Variants in ASIC2 observed in about 807,000 individuals in gnomAD.
ASIC2 encodes acid-sensing ion channel 2.
ASIC2 carries 25 observed loss-of-function variants against 57.3 expected under a neutral mutation model. That is an observed-to-expected ratio of 0.44 (90% CI 0.32 to 0.61). The LOEUF is 0.61. ASIC2 is among the 20% of genes least tolerant of loss of function. The pLI, the probability that ASIC2 is intolerant of heterozygous loss-of-function variation, is 0.06. For synonymous variants in ASIC2, 319 were observed against 307.5 expected, an observed-to-expected ratio of 1.04 and a Z score of -0.39; for missense variants, 641 against 738.1, an observed-to-expected ratio of 0.87 and a Z score of 1.52.
chr17:33,145,648 C>A (rs1904531116), intron 1 of ASIC2, among the ~76,000 whole-genome samples: 1 of 152,154 alleles, frequency 6.6e-6, no homozygotes, highest in African/African-American at 2.4e-5. Flanking sequence ...TTTATTTTAA[C>A]TTTTTTTGAA....
intron 1 of ASIC2, among the ~76,000 whole-genome samples, chr17:33,235,589 C>T: frequency 6.6e-6 from 1 of 152,196 alleles, no homozygotes; most frequent in East Asian, 1.9e-4. Flanking sequence ...CCTCAGGTAA[C>T]AGATACCAGC....
chr17:34,092,120 G>A lies in ASIC2; in HGVS notation c.555+63858C>T, dbSNP rs116340900. Among the ~76,000 whole-genome samples, 963 of 151,764 alleles carry A rather than the reference G, an allele frequency of 6.3e-3. 15 individuals carry two copies. The highest frequency in any genetic ancestry group is 0.022 in the African/African-American group (930 of 41,358). ...GGTGGTAGTGGATCCCGGACACCAGGTCTACACCAGTACACCCCCAAAATG... is the reference window on the plus strand; with the variant it reads ...GGTGGTAGTGGATCCCGGACACCAGATCTACACCAGTACACCCCCAAAATG... On this transcript the variant is annotated intron_variant, in intron 1 of 9. Coordinates refer to the ASIC2 transcript ENST00000359872.
intron 1 of ASIC2, among the ~76,000 whole-genome samples, chr17:33,474,272 C>T (rs769670424): frequency 1.5e-4 from 23 of 152,178 alleles, no homozygotes; most frequent in Admixed American, 2.0e-4. Context: ...GAGGCTGAGA[C>T]AGGAGAATCC....
chr17:34,009,738 G>A (rs1236170843), intron 1 of ASIC2, among the ~76,000 whole-genome samples: 1 of 152,214 alleles, frequency 6.6e-6, no homozygotes, highest in Non-Finnish European at 1.5e-5. Flanking sequence ...GCCTTGAGGA[G>A]TTTAGATCAG....
intron 1 of ASIC2, among the ~76,000 whole-genome samples, chr17:34,141,452 T>C (rs891889888): frequency 1.8e-4 from 28 of 152,354 alleles, no homozygotes; most frequent in Non-Finnish European, 2.6e-4. Context: ...GAGCCTACCA[T>C]GTGTTACCTC....
chr17:33,759,044 T>TG (rs1314923768), intron 1 of ASIC2, among the ~76,000 whole-genome samples: 1 of 151,908 alleles, frequency 6.6e-6, no homozygotes, highest in Non-Finnish European at 1.5e-5. Flanking sequence ...TAGATCCTAG[T>TG]GAGGGCTTAA....
At chr17:33,944,009 G>A (rs575301876) in intron 1 of ASIC2, among the ~76,000 whole-genome samples, 32 of 152,022 alleles carry the variant, frequency 2.1e-4, no homozygotes, top group Admixed American at 1.4e-3. Context: ...GGATGAAGGC[G>A]GATCCTAGAT....
chr17:33,853,980 AG>A (rs1913845400), intron 1 of ASIC2, among the ~76,000 whole-genome samples: 1 of 152,202 alleles, frequency 6.6e-6, no homozygotes, highest in African/African-American at 2.4e-5. Context: ...TCTCTAAAAA[AG>A]TTGATACATT....
rs114310098 is a variant in ASIC2 at position 33,407,252 on chromosome 17, A to G, written c.556-295185T>C. ...GAAAAGGACAATGTCTCAGTGCCCA[A>G]GGTCCCTCAATAATAACTGGCTGAT... On this transcript the variant is annotated intron_variant, in intron 1 of 9. Coordinates refer to the ASIC2 transcript ENST00000359872. Among the ~76,000 whole-genome samples the G allele has an allele frequency of 7.5e-3, 1,145 of 152,342 alleles. 10 individuals carry two copies. Among genetic ancestry groups the G allele is most frequent in the African/African-American group, 0.027 (1,103 of 41,572 alleles).
intron 1 of ASIC2, among the ~76,000 whole-genome samples, chr17:33,803,399 C>T (rs1287172493): frequency 6.6e-6 from 1 of 151,988 alleles, no homozygotes; most frequent in Non-Finnish European, 1.5e-5. Context: ...ATGTGGATTT[C>T]CACATCCCAG....
intron 1 of ASIC2, among the ~76,000 whole-genome samples, chr17:33,610,615 A>G (rs911767468): frequency 1.3e-5 from 2 of 152,100 alleles, no homozygotes; most frequent in African/African-American, 4.8e-5. Flanking sequence ...TGTCATCCCA[A>G]CACTTTGGGA....
intron 1 of ASIC2, among the ~76,000 whole-genome samples, chr17:33,947,917 T>G (rs1904435351): frequency 6.6e-6 from 1 of 152,242 alleles, no homozygotes; most frequent in Non-Finnish European, 1.5e-5. Flanking sequence ...TAATATTTAC[T>G]GGATATTCTA....
intron 1 of ASIC2, among the ~76,000 whole-genome samples, chr17:33,290,133 C>G (rs1905360602): frequency 6.6e-6 from 1 of 152,168 alleles, no homozygotes; most frequent in Non-Finnish European, 1.5e-5. Flanking sequence ...ACTAAATATA[C>G]AAGCTTAAAG....
At chr17:33,050,736 A>T (rs2091971751) in intron 3 of ASIC2, among the ~76,000 whole-genome samples, 1 of 152,040 alleles carries the variant, frequency 6.6e-6, no homozygotes, top group Non-Finnish European at 1.5e-5. Context: ...ACCTTCATTC[A>T]AGCCTGGCTA....
chr17:33,080,452 G>GC (rs1378624101), intron 3 of ASIC2, among the ~76,000 whole-genome samples: 1 of 152,048 alleles, frequency 6.6e-6, no homozygotes, highest in Admixed American at 6.5e-5. Context: ...AGTACTGCAG[G>GC]CCCCCCTTAT....
chr17:33,112,991 A>G (rs2141988415), intron 1 of ASIC2, among the ~76,000 whole-genome samples: 1 of 152,296 alleles, frequency 6.6e-6, no homozygotes, highest in South Asian at 2.1e-4. Context: ...GCCTGAGTCC[A>G]GCAGCATCCA....
At chr17:33,311,619 G>A (rs754820873) in intron 1 of ASIC2, among the ~76,000 whole-genome samples, 1 of 152,146 alleles carries the variant, frequency 6.6e-6, no homozygotes, top group Non-Finnish European at 1.5e-5. Context: ...GAGATGGAGA[G>A]AGAAGTTCTT....
intron 1 of ASIC2, among the ~76,000 whole-genome samples, chr17:33,798,275 G>C (rs11654771): frequency 1.3e-5 from 2 of 152,194 alleles, no homozygotes; most frequent in African/African-American, 2.4e-5. Flanking sequence ...AGATTCCTTA[G>C]AGCAGGTGTT....
chr17:33,512,875 G>A (rs1914467418), intron 1 of ASIC2, among the ~76,000 whole-genome samples: 1 of 152,230 alleles, frequency 6.6e-6, no homozygotes, highest in Non-Finnish European at 1.5e-5. Flanking sequence ...GAGTTCAGCT[G>A]ACAAACTGTC....
Sources: allele counts gnomAD v4.1 joint callset (sites outside exome capture counted in the v4.1 genomes callset), GRCh38; gene constraint gnomAD v4.1.1; transcripts MANE v1.5; gene names NCBI Gene and HGNC (gene_info 2026-07-23, HGNC 2026-07-21).